FRMD4A: variants seen among roughly 807,000 people sequenced by gnomAD.
FRMD4A encodes the protein FERM domain containing 4A.
In FRMD4A, 29 loss-of-function variants were observed where a neutral mutation model predicts 129.1. That is an observed-to-expected ratio of 0.22 (90% confidence interval 0.17 to 0.31). The LOEUF (loss-of-function observed/expected upper bound fraction) is 0.31, where lower values mean the gene tolerates loss of function less well. FRMD4A is among the 10% of genes least tolerant of loss of function. FRMD4A has a pLI of 1.00. For missense variants in FRMD4A, 1,272 were observed against 1,375.8 expected, an observed-to-expected ratio of 0.92 and a Z score of 1.19; for synonymous variants, 634 against 571.6, an observed-to-expected ratio of 1.11 and a Z score of -1.56.
At chr10:13,764,553 A>G (rs972948808) in intron 6 of FRMD4A, among the ~76,000 whole-genome samples, 1 of 152,022 alleles carries the variant, frequency 6.6e-6, no homozygotes, top group African/African-American at 2.4e-5. Context: ...CAACAAACTC[A>G]CTAACCATGA....
intron 2 of FRMD4A, among the ~76,000 whole-genome samples, chr10:14,184,298 A>ATTTTATTTTTTTTTTTTTTTTT (rs1842007240): frequency 2.9e-5 from 3 of 104,906 alleles, no homozygotes; most frequent in African/African-American, 1.1e-4. Context: ...CAACCGGTTA[A>ATTTTATTTTTTTTTTTTTTTTT]TTTTTTTTTT....
intron 2 of FRMD4A, among the ~76,000 whole-genome samples, chr10:14,250,108 G>A (rs545237017): frequency 8.5e-5 from 13 of 152,126 alleles, no homozygotes; most frequent in African/African-American, 2.4e-4. Context: ...TTACAGGTGC[G>A]TGCTACCACG....
At chr10:14,293,810 C>T (rs1845922971) in intron 2 of FRMD4A, among the ~76,000 whole-genome samples, 2 of 152,198 alleles carry the variant, frequency 1.3e-5, no homozygotes, top group African/African-American at 4.8e-5. Context: ...AGTGTTGTCA[C>T]ACTCGTGAAA....
At position 13,646,821 on chromosome 10, in the gene FRMD4A, G is replaced by C. The variant is rs1036538651; in HGVS notation, c.*217C>G. 1 of 161,362 alleles carries C rather than the reference G, an allele frequency of 6.2e-6. No individual in the cohort carries two copies. Among genetic ancestry groups the C allele is most frequent in the Non-Finnish European group, 1.3e-5 (1 of 75,944 alleles). 10.0% of individuals were successfully genotyped at this position (161,362 alleles called of 1,614,324 possible). ...GGAATGCGGAGACAGGAGAAAAAAA[G>C]TGCTGAGGGCCAAAGCTGGTGCAGG... On this transcript the variant is annotated 3_prime_UTR_variant, in exon 25 of 25. Coordinates refer to ENST00000357447, the MANE Select transcript of FRMD4A (RefSeq NM_018027.5).
intron 2 of FRMD4A, among the ~76,000 whole-genome samples, chr10:13,948,000 C>G (rs1051622352): frequency 6.6e-6 from 1 of 150,682 alleles, no homozygotes; most frequent in Non-Finnish European, 1.5e-5. Context: ...GATTCAAGAC[C>G]AGCCTGGGCA....
chr10:14,031,182 A>G (rs1232309677), intron 2 of FRMD4A, among the ~76,000 whole-genome samples: 1 of 152,148 alleles, frequency 6.6e-6, no homozygotes, highest in Non-Finnish European at 1.5e-5. Flanking sequence ...CACCACGTGG[A>G]CTTTCTAAGG....
At chr10:13,655,884 C>T (rs145850028) in intron 22 of FRMD4A, 24 of 152,216 alleles carry the variant, frequency 1.6e-4, no homozygotes, top group African/African-American at 5.8e-4. Flanking sequence ...GAGGCAACTG[C>T]TCAATGTTGG....
chr10:13,880,565 G>C (rs1187625492), intron 2 of FRMD4A, among the ~76,000 whole-genome samples: 1 of 152,180 alleles, frequency 6.6e-6, no homozygotes, highest in Non-Finnish European at 1.5e-5. Flanking sequence ...CCCCAGGGTA[G>C]AGCCTTAAAG....
rs962903438 is a variant in FRMD4A at position 14,308,858 on chromosome 10, C to T, written c.45+21200G>A. ...AAATTGTTTTCACATAAGTTGAAAA[C>T]GTGACCTACCAAATGACCCATTGGT... is the stretch of plus-strand genomic sequence containing the variant. On this transcript the variant is annotated intron_variant, in intron 2 of 24. Transcript: ENST00000357447. Among the ~76,000 whole-genome samples, 17 of 152,246 alleles carry T rather than the reference C, an allele frequency of 1.1e-4. No individual in the cohort carries two copies. In the South Asian group the frequency reaches 3.1e-3, roughly 28 times the overall value.
At chr10:14,045,678 T>C (rs1833959692) in intron 2 of FRMD4A, among the ~76,000 whole-genome samples, 1 of 146,770 alleles carries the variant, frequency 6.8e-6, no homozygotes, top group Non-Finnish European at 1.5e-5. Context: ...ATATTTATAT[T>C]ATATTATATA....
intron 12 of FRMD4A, among the ~76,000 whole-genome samples, chr10:13,728,573 C>CTTTTTTTTTTTTTTTTTTT (rs10706168): frequency 0.03 from 2,328 of 78,224 alleles, 493 homozygotes; most frequent in Non-Finnish European, 0.036. Flanking sequence ...GATTACCATT[C>CTTTTTTTTTTTTTTTTTTT]TTTTTTTTTT....
chr10:14,152,539 A>T (rs1840391657), intron 2 of FRMD4A, among the ~76,000 whole-genome samples: 1 of 152,198 alleles, frequency 6.6e-6, no homozygotes. Flanking sequence ...GACAATGGGG[A>T]ACCAATAATG....
intron 2 of FRMD4A, among the ~76,000 whole-genome samples, chr10:14,071,047 T>A (rs1320763780): frequency 6.6e-6 from 1 of 152,226 alleles, no homozygotes; most frequent in Non-Finnish European, 1.5e-5. Flanking sequence ...AGATCGCTGA[T>A]GTACCAAGGC....
chr10:14,152,686 T>A (rs559073609), intron 2 of FRMD4A, among the ~76,000 whole-genome samples: 10 of 152,048 alleles, frequency 6.6e-5, no homozygotes, highest in Middle Eastern at 3.4e-3. Flanking sequence ...ACAAAATTTT[T>A]AAAATTAGCT....
At chr10:14,131,582 C>G (rs1278342041) in intron 2 of FRMD4A, among the ~76,000 whole-genome samples, 1 of 152,200 alleles carries the variant, frequency 6.6e-6, no homozygotes, top group Non-Finnish European at 1.5e-5. Context: ...GTGACTGCCC[C>G]AACTCCCATG....
chr10:13,656,609 C>G (rs1251575570), intron 22 of FRMD4A, 27 bp downstream of exon 22: 1 of 1,376,292 alleles, frequency 7.3e-7, no homozygotes, highest in Non-Finnish European at 9.5e-7. Context: ...CAGGTCTTCC[C>G]GCGTGCACCT....
chr10:14,158,494 C>T (rs1840710767), intron 2 of FRMD4A, among the ~76,000 whole-genome samples: 1 of 151,910 alleles, frequency 6.6e-6, no homozygotes, highest in African/African-American at 2.4e-5. Context: ...GAGTCTGTGG[C>T]CCCAGCTACT....
chr10:13,695,708 T>C lies in FRMD4A; in HGVS notation c.976-1669A>G, dbSNP rs1339426521. ...ACTGGGCGAGGTTCACCATTGTAGC[T>C]TCCTGCCTGGCCTGTGGAACCCAAG... On this transcript the variant is annotated intron_variant, in intron 14 of 24. Transcript: ENST00000357447. 2.6e-5 allele frequency among the ~76,000 whole-genome samples: 4 copies of C among 152,240 alleles called. No homozygotes were observed. In the East Asian group the frequency reaches 7.7e-4, roughly 29 times the overall value.
At chr10:14,280,455 T>A (rs988276903) in intron 2 of FRMD4A, among the ~76,000 whole-genome samples, 34 of 152,128 alleles carry the variant, frequency 2.2e-4, no homozygotes, top group Admixed American at 6.5e-5. Context: ...AAATTCTTTA[T>A]CTCTTAGACC....
Sources: gnomAD v4.1 joint callset for allele counts (sites outside exome capture counted in the v4.1 genomes callset) on GRCh38, gnomAD v4.1.1 for gene constraint, MANE v1.5 for transcripts, NCBI Gene and HGNC (gene_info 2026-07-23, HGNC 2026-07-21) for gene names.